The following KLRC3 variants were observed in gnomAD, a reference collection of about 807,000 sequenced individuals.
KLRC3 encodes the protein killer cell lectin like receptor C3, also known as NKG2-E type II integral membrane protein.
A neutral mutation model predicts 23.6 loss-of-function variants in KLRC3; 16 were observed. The observed-to-expected ratio is 0.68, with a 90% CI of 0.46 to 1.03. The LOEUF (loss-of-function observed/expected upper bound fraction) is 1.03. Ranked by LOEUF, KLRC3 falls within the 50% of genes least tolerant of loss-of-function variation. The pLI is 0.00. For synonymous variants in KLRC3, 70 were observed against 71.8 expected (o/e 0.98, Z 0.13); for missense variants, 209 against 232.2 (o/e 0.90, Z 0.65).
chr12:10,420,400 T>G lies in KLRC3; in HGVS notation c.151A>C (p.Asn51His), dbSNP rs533491021. The G allele has an allele frequency of 1.5e-5, 25 of 1,613,824 alleles. No homozygotes were observed. In the African/African-American group the frequency reaches 3.3e-4, roughly 22 times the overall value. ...TATATTTTATCAATCCCTTGATGATTCAGAGAAGCATTTTGAAGGTTTAAT... is the reference window on the plus strand; with the variant it reads ...TATATTTTATCAATCCCTTGATGATGCAGAGAAGCATTTTGAAGGTTTAAT... ...VELNLQNASLNHQGIDKIYDC... is the reference protein window; with the variant it reads ...VELNLQNASLHHQGIDKIYDC... Residue 51 changes from asparagine (N) to histidine (H), a missense_variant, in exon 1 of 7, where the codon AAT becomes CAT. Asn to His is a moderately conservative substitution (Grantham distance 68). This residue lies in a region of KLRC3 where 109 missense variants were observed against 113.2 expected (regional missense o/e 0.96). Transcript: ENST00000396439.
intron 6 of KLRC3, among the ~76,000 whole-genome samples, chr12:10,415,421 C>A (rs1398182892): frequency 6.6e-6 from 1 of 152,154 alleles, no homozygotes; most frequent in Non-Finnish European, 1.5e-5. Flanking sequence ...CTTGATACTT[C>A]ATATAAACTG....
At chr12:10,414,964 T>C (rs948225852) in intron 6 of KLRC3, among the ~76,000 whole-genome samples, 6 of 152,198 alleles carry the variant, frequency 3.9e-5, no homozygotes, top group Non-Finnish European at 7.4e-5. Flanking sequence ...AAAGCATGAA[T>C]GTAAAATATC....
chr12:10,418,554 TAGTTC>T (rs1209480120), intron 3 of KLRC3, 56 bp from the exon 4 acceptor site: 2 of 1,487,632 alleles, frequency 1.3e-6, no homozygotes, highest in Non-Finnish European at 1.8e-6. Context: ...AAATGAAAAT[TAGTTC>T]ACATATTTGC....
chr12:10,418,520 A>T (rs1326815911), intron 3 of KLRC3, 22 bp from the exon 4 acceptor site: 2 of 1,529,618 alleles, frequency 1.3e-6, no homozygotes, highest in South Asian at 2.4e-5. Context: ...ATGAATTACT[A>T]TCTAGACCAA....
chr12:10,416,152 C>A (rs1591600441), intron 5 of KLRC3, among the ~76,000 whole-genome samples: 1 of 152,310 alleles, frequency 6.6e-6, no homozygotes, highest in Non-Finnish European at 1.5e-5. Flanking sequence ...AACAGCACTA[C>A]TATTGTGCTT....
chr12:10,415,953 C>G (rs1479439512), intron 5 of KLRC3, among the ~76,000 whole-genome samples, 159 bp from the exon 6 acceptor site: 2 of 152,182 alleles, frequency 1.3e-5, no homozygotes, highest in African/African-American at 2.4e-5. Flanking sequence ...ACACTCAATA[C>G]AGTACTCCCC....
intron 5 of KLRC3, among the ~76,000 whole-genome samples, chr12:10,416,159 G>A (rs1863639821): frequency 6.6e-6 from 1 of 152,180 alleles, no homozygotes; most frequent in Non-Finnish European, 1.5e-5. Flanking sequence ...CTACTATTGT[G>A]CTTTGAGGAT....
chr12:10,415,435 A>G, intron 6 of KLRC3: 1 of 525,748 alleles, frequency 1.9e-6, no homozygotes, highest in South Asian at 2.6e-5. Context: ...TAAACTGACC[A>G]ACATAACATG....
chr12:10,414,434 T>C (rs1241845117), intron 6 of KLRC3, among the ~76,000 whole-genome samples: 1 of 151,582 alleles, frequency 6.6e-6, no homozygotes, highest in Non-Finnish European at 1.5e-5. Flanking sequence ...AACCAGAAAA[T>C]GATACATATG....
At position 10,418,350 on chromosome 12, in the gene KLRC3, T is replaced by C. The variant is rs1394225816; in HGVS notation, c.480A>G (p.Glu160=). 16 of 1,603,270 alleles carry C rather than the reference T, an allele frequency of 1.0e-5. No individual in the cohort carries two copies. Among genetic ancestry groups the C allele is most frequent in the Non-Finnish European group, 1.4e-5 (16 of 1,172,926 alleles). The part of the protein sequence containing the change: ...SSSLLCIDNE[E]EMKFLASILP... The stretch of plus-strand genomic sequence containing the variant: ...TGAAACATTTACATCTTACCATTTC[T>C]TCTTCATTATCTATACAAAGCAGAC... The change falls in exon 4 of 7, where the codon GAA becomes GAG. Residue 160 remains glutamate, a synonymous_variant. Coordinates refer to ENST00000396439, the MANE Select transcript of KLRC3 (RefSeq NM_002261.3).
chr12:10,413,415 A>G (rs1333895068), intron 6 of KLRC3, among the ~76,000 whole-genome samples: 1 of 152,214 alleles, frequency 6.6e-6, no homozygotes, highest in Non-Finnish European at 1.5e-5. Context: ...AACAGGCAAT[A>G]AAACTATATT....
intron 6 of KLRC3, 104 bp downstream of exon 6, chr12:10,415,600 T>A (rs936298522): frequency 8.5e-6 from 13 of 1,533,030 alleles, no homozygotes; most frequent in African/African-American, 4.2e-5. Flanking sequence ...CACAATTCAT[T>A]TTAAGGCTTA....
At chr12:10,414,426 C>T (rs1345190160) in intron 6 of KLRC3, among the ~76,000 whole-genome samples, 1 of 151,294 alleles carries the variant, frequency 6.6e-6, no homozygotes, top group Non-Finnish European at 1.5e-5. Context: ...TTTGCCAAAA[C>T]CAGAAAATGA....
intron 6 of KLRC3, among the ~76,000 whole-genome samples, chr12:10,414,666 C>T (rs916871223): frequency 2.7e-5 from 4 of 148,542 alleles, no homozygotes; most frequent in Admixed American, 6.7e-5. Context: ...TGCTAAATGA[C>T]GAGTTAATGG....
chr12:10,417,411 T>G (rs2447706), intron 4 of KLRC3, among the ~76,000 whole-genome samples: 2 of 139,398 alleles, frequency 1.4e-5, no homozygotes, highest in African/African-American at 2.5e-5. Flanking sequence ...AGTGTCCGAG[T>G]GAGCATGTTA....
Position 10,418,511 on chromosome 12 carries a change from T to C in KLRC3, c.332-13A>G, listed in dbSNP as rs1863677200. On this transcript the variant is annotated splice_polypyrimidine_tract_variant and intron_variant, in intron 3 of 6. Coordinates refer to ENST00000396439, the MANE Select transcript of KLRC3 (RefSeq NM_002261.3). ...CCACAATGACGTGCTAATAAAGATA[T>C]GAATTACTATCTAGACCAATATGAA... 1.9e-6 allele frequency: 3 copies of C among 1,552,194 alleles called. No homozygotes were observed. The East Asian group carries it at 6.7e-5, about 35-fold the overall frequency.
chr12:10,418,718 C>G (rs1322019806), intron 3 of KLRC3, among the ~76,000 whole-genome samples: 23 of 152,134 alleles, frequency 1.5e-4, no homozygotes, highest in Non-Finnish European at 2.6e-4. Context: ...TAAAGCAAAC[C>G]AACAAACAAA....
At chr12:10,417,217 G>T (rs1259677834) in intron 4 of KLRC3, among the ~76,000 whole-genome samples, 1 of 151,708 alleles carries the variant, frequency 6.6e-6, no homozygotes, top group African/African-American at 2.4e-5. Flanking sequence ...ATTTTTATCC[G>T]ATTCGGTTTT....
At position 10,414,002 on chromosome 12, in the gene KLRC3, C is replaced by T. The variant is rs539920261; in HGVS notation, c.679-1386G>A. 2.0e-4 allele frequency among the ~76,000 whole-genome samples: 31 copies of T among 152,166 alleles called. No individual in the cohort carries two copies. The South Asian group carries it at 5.8e-3, about 29-fold the overall frequency. On this transcript the variant is annotated intron_variant, in intron 6 of 6. Transcript: ENST00000396439. ...AAGCAGTACTCTTAACAAATGCTTC[C>T]AGGTTATAGAGAAACAGAAAATCTT...
Sources: allele counts gnomAD v4.1 joint callset (sites outside exome capture counted in the v4.1 genomes callset), GRCh38; gene constraint gnomAD v4.1.1; regional missense constraint gnomAD v4.1.1; transcripts MANE v1.5; gene names NCBI Gene and HGNC (gene_info 2026-07-23, HGNC 2026-07-21).